FANCM: variants seen among roughly 807,000 people sequenced by gnomAD.
FANCM encodes the protein FA complementation group M.
In FANCM, 140 loss-of-function variants were observed where a neutral mutation model predicts 199.5. The observed-to-expected ratio is 0.70, with a 90% CI of 0.61 to 0.81. FANCM has a LOEUF of 0.81. Among genes scored for constraint, FANCM ranks in the 30% least tolerant of loss-of-function variants. FANCM has a pLI of 0.00. For missense variants in FANCM, 2,410 were observed against 2,421.4 expected (o/e 1.00, Z 0.10); for synonymous variants, 840 against 836.8 (o/e 1.00, Z -0.07).
intron 9 of FANCM, 150 bp downstream of exon 9, chr14:45,159,430 G>A (rs893505693): frequency 3.3e-6 from 2 of 597,512 alleles, no homozygotes; most frequent in Non-Finnish European, 5.8e-6. Context: ...TATTTTGAAA[G>A]ATGATAACAA....
intron 20 of FANCM, among the ~76,000 whole-genome samples, chr14:45,194,689 G>A (rs1385889488): frequency 2.0e-5 from 3 of 152,024 alleles, no homozygotes; most frequent in African/African-American, 7.3e-5. Context: ...ATAATAAATA[G>A]CCATGTTTGT....
chr14:45,180,473 G>A (rs563533717), intron 14 of FANCM, among the ~76,000 whole-genome samples: 1 of 151,940 alleles, frequency 6.6e-6, no homozygotes, highest in South Asian at 2.1e-4. Context: ...ACCAGGCAGG[G>A]TCTCGCTTTG....
intron 10 of FANCM, among the ~76,000 whole-genome samples, chr14:45,166,518 G>A (rs746169429): frequency 5.3e-5 from 8 of 151,986 alleles, no homozygotes; most frequent in Non-Finnish European, 1.2e-4. Flanking sequence ...AGTGACTCAC[G>A]CCTGTAATTT....
intron 5 of FANCM, among the ~76,000 whole-genome samples, chr14:45,152,680 A>G (rs1226662130): frequency 6.6e-6 from 1 of 152,214 alleles, no homozygotes; most frequent in East Asian, 1.9e-4. Context: ...TGAGCAGACC[A>G]ATTTGGCTGA....
At chr14:45,186,038 A>G (rs1889381859) in intron 18 of FANCM, among the ~76,000 whole-genome samples, 1 of 152,152 alleles carries the variant, frequency 6.6e-6, no homozygotes, top group Non-Finnish European at 1.5e-5. Flanking sequence ...GACTACAGGC[A>G]TGTGCCACCA....
rs946590471 is a variant in FANCM at position 45,183,794 on chromosome 14, T to C, written c.4407T>C (p.Asp1469=). The C allele has an allele frequency of 1.2e-6, 2 of 1,607,898 alleles. No individual in the cohort carries two copies. Among genetic ancestry groups the C allele is most frequent in the Non-Finnish European group, 1.7e-6 (2 of 1,174,770 alleles). The part of the protein sequence containing the change: ...PINRSELSSS[D]ESENFPKPCS... ...TATAGTCAGAATTATCATCTAGTGA[T>C]GAGAGTGAGAATTTTCCCAAACCAT... The change falls in exon 17 of 23, where the codon GAT becomes GAC. Residue 1469 remains aspartate, a synonymous_variant. Transcript: ENST00000267430.
chr14:45,185,703 A>G lies in FANCM; in HGVS notation c.4672+330A>G, dbSNP rs138149535. Among the ~76,000 whole-genome samples the G allele has an allele frequency of 2.9e-3, 436 of 152,284 alleles. 5 individuals carry two copies. The highest frequency in any genetic ancestry group is 0.021 in the Admixed American group (316 of 15,282). ...AACCATATATGAATGAACAAAATAG[A>G]CAAAAAATTTCTTCTTATGAAGCCT... On this transcript the variant is annotated intron_variant, in intron 18 of 22. Coordinates refer to ENST00000267430, the MANE Select transcript of FANCM (RefSeq NM_020937.4).
intron 9 of FANCM, among the ~76,000 whole-genome samples, chr14:45,160,236 C>T (rs568505448): frequency 2.0e-5 from 3 of 151,408 alleles, no homozygotes; most frequent in South Asian, 2.1e-4. Context: ...TCTGGTGATC[C>T]GCCCGCCTCA....
Position 45,143,175 on chromosome 14 carries a change from T to C in FANCM, c.759+2466T>C, listed in dbSNP as rs544153439. On this transcript the variant is annotated intron_variant, in intron 3 of 22. Coordinates refer to ENST00000267430, the MANE Select transcript of FANCM (RefSeq NM_020937.4). ...CCTGTGTCCTTTAGACATGCACTTT[T>C]TTTTTTTTTTTTTAAACAGGGTCTC... Among the ~76,000 whole-genome samples, 605 of 151,774 alleles carry C rather than the reference T, an allele frequency of 4.0e-3. 15 individuals are homozygous for C. Among genetic ancestry groups the C allele is most frequent in the African/African-American group, 0.014 (584 of 41,252 alleles).
intron 20 of FANCM, among the ~76,000 whole-genome samples, chr14:45,194,307 A>G (rs1889937134): frequency 6.6e-6 from 1 of 151,468 alleles, no homozygotes; most frequent in African/African-American, 2.4e-5. Flanking sequence ...CGTCTCAAAA[A>G]AAAAAAAACA....
intron 5 of FANCM, 24 bp from the exon 6 acceptor site, chr14:45,153,896 A>C (rs1886995383): frequency 6.2e-7 from 1 of 1,602,868 alleles, no homozygotes; most frequent in Non-Finnish European, 8.5e-7. Flanking sequence ...CTCTGGTTAA[A>C]TTTGACATAT....
intron 2 of FANCM, among the ~76,000 whole-genome samples, chr14:45,138,406 ATCT>A (rs1885675455): frequency 6.6e-6 from 1 of 152,128 alleles, no homozygotes; most frequent in Admixed American, 6.6e-5. Context: ...GATAATTGTC[ATCT>A]TTTTTAATAA....
At chr14:45,164,211 T>A in intron 9 of FANCM, 148 bp from the exon 10 acceptor site, 3 of 695,260 alleles carry the variant, frequency 4.3e-6, no homozygotes, top group Non-Finnish European at 7.6e-6. Flanking sequence ...TCCCAAAGTG[T>A]TGACATTACA....
At chr14:45,171,546 A>G (rs1888341523) in intron 12 of FANCM, among the ~76,000 whole-genome samples, 1 of 152,194 alleles carries the variant, frequency 6.6e-6, no homozygotes, top group East Asian at 1.9e-4. Context: ...CTCATAGCTT[A>G]GCTCTTACTT....
intron 9 of FANCM, among the ~76,000 whole-genome samples, chr14:45,161,628 A>T (rs1566745616): frequency 1.3e-5 from 2 of 152,050 alleles, no homozygotes; most frequent in Non-Finnish European, 2.9e-5. Context: ...AAAATACAAA[A>T]ATTAGCTGGG....
chr14:45,153,187 G>A (rs535989868), intron 5 of FANCM, among the ~76,000 whole-genome samples: 1 of 152,304 alleles, frequency 6.6e-6, no homozygotes, highest in Admixed American at 6.5e-5. Context: ...AAAGGAATGT[G>A]TCCTTCATTT....
intron 14 of FANCM, among the ~76,000 whole-genome samples, chr14:45,180,605 T>C (rs1453956609): frequency 1.3e-5 from 2 of 152,022 alleles, no homozygotes; most frequent in African/African-American, 4.8e-5. Flanking sequence ...ACCCAGCTAA[T>C]TATTGTATTT....
intron 3 of FANCM, among the ~76,000 whole-genome samples, chr14:45,147,485 G>T (rs1886488944): frequency 6.6e-6 from 1 of 151,942 alleles, no homozygotes; most frequent in Non-Finnish European, 1.5e-5. Flanking sequence ...GTCTCACTAT[G>T]TTGCCCAGGG....
intron 20 of FANCM, among the ~76,000 whole-genome samples, chr14:45,195,128 GA>G (rs1475791030): frequency 1.3e-5 from 2 of 152,322 alleles, no homozygotes; most frequent in African/African-American, 4.8e-5. Flanking sequence ...TAAACCTAGT[GA>G]GAGATGGCTT....
Sources: gnomAD v4.1 joint callset for allele counts (sites outside exome capture counted in the v4.1 genomes callset) on GRCh38, gnomAD v4.1.1 for gene constraint, MANE v1.5 for transcripts, NCBI Gene and HGNC (gene_info 2026-07-23, HGNC 2026-07-21) for gene names.